NRXN1: variants seen among roughly 807,000 people sequenced by gnomAD.
The protein encoded by NRXN1 is neurexin-1.
A neutral mutation model predicts 150.9 loss-of-function variants in NRXN1; 39 were observed. That is an observed-to-expected ratio of 0.26 (90% CI 0.20 to 0.34). The LOEUF is 0.34. NRXN1 is among the 10% of genes least tolerant of loss of function. The pLI is 1.00. For missense variants in NRXN1, 1,815 were observed against 1,949.9 expected (o/e 0.93, Z 1.30); for synonymous variants, 924 against 757.0 (o/e 1.22, Z -3.62).
chr2:50,717,174 T>TAAAC (rs1457024889), intron 5 of NRXN1, among the ~76,000 whole-genome samples: 1 of 152,220 alleles, frequency 6.6e-6, no homozygotes, highest in African/African-American at 2.4e-5. Context: ...TGGCATGCAA[T>TAAAC]ACATATATGT....
intron 5 of NRXN1, among the ~76,000 whole-genome samples, chr2:50,813,241 T>C (rs991636806): frequency 2.6e-5 from 4 of 152,174 alleles, no homozygotes; most frequent in Non-Finnish European, 5.9e-5. Flanking sequence ...CTCATGTTTG[T>C]TAAATGATGC....
intron 17 of NRXN1, among the ~76,000 whole-genome samples, chr2:50,459,988 GA>G (rs1294707591): frequency 2.0e-5 from 3 of 151,662 alleles, no homozygotes. Context: ...CATTCGCATG[GA>G]AAAAAAACAT....
At chr2:50,306,505 A>C (rs187264846) in intron 17 of NRXN1, among the ~76,000 whole-genome samples, 1 of 152,334 alleles carries the variant, frequency 6.6e-6, no homozygotes, top group Admixed American at 6.5e-5. Context: ...AAAGATTATG[A>C]ATTTCACAGC....
rs1373125497 is a variant in NRXN1, at chr2:49,985,577, C to T, written c.4129-41786G>A. On this transcript the variant is annotated intron_variant, in intron 21 of 22. Coordinates refer to ENST00000401669, the MANE Select transcript of NRXN1 (RefSeq NM_001330078.2). ...TCAGATCAAGCAAAAACAATGAAGT[C>T]ATTAGTGTGCACTGAGTTTAGTCAC... 3.3e-5 allele frequency among the ~76,000 whole-genome samples: 5 copies of T among 152,190 alleles called. No homozygotes were observed. The South Asian group carries it at 8.3e-4, about 25-fold the overall frequency.
At position 50,146,820 on chromosome 2, in the gene NRXN1, C is replaced by T. The variant is rs184895954; in HGVS notation, c.3547-55326G>A. Among the ~76,000 whole-genome samples the T allele has an allele frequency of 7.1e-3, 1,084 of 151,612 alleles. 12 individuals carry two copies. Among genetic ancestry groups the T allele is most frequent in the Middle Eastern group, 0.017 (5 of 294 alleles). ...AAAATTCCTTTCTTTGTGTTTTTTA[C>T]CCATTGAAATTCTGTATCGTCATAC... is the stretch of plus-strand genomic sequence containing the variant. On this transcript the variant is annotated intron_variant, in intron 18 of 22. Coordinates refer to ENST00000401669, the MANE Select transcript of NRXN1 (RefSeq NM_001330078.2).
At chr2:50,403,307 G>T (rs1233270727) in intron 17 of NRXN1, among the ~76,000 whole-genome samples, 1 of 152,144 alleles carries the variant, frequency 6.6e-6, no homozygotes. Context: ...TCTCCATCCT[G>T]TTGCTAGTTG....
intron 15 of NRXN1, among the ~76,000 whole-genome samples, chr2:50,489,971 A>G (rs1295518476): frequency 6.6e-6 from 1 of 152,202 alleles, no homozygotes; most frequent in Non-Finnish European, 1.5e-5. Flanking sequence ...AAGGCTTTAC[A>G]GTACGGAGAA....
intron 15 of NRXN1, among the ~76,000 whole-genome samples, chr2:50,484,549 C>T (rs10221724): frequency 0.056 from 8,468 of 152,198 alleles, 823 homozygotes; most frequent in African/African-American, 0.19. Context: ...TTGCACCAGC[C>T]GATGACTGAT....
intron 19 of NRXN1, among the ~76,000 whole-genome samples, chr2:50,082,851 CT>C (rs5831078): frequency 0.32 from 48,396 of 152,002 alleles, 8,525 homozygotes; most frequent in African/African-American, 0.44. Context: ...AGAGGTTTGA[CT>C]TACATGTCTC....
intron 21 of NRXN1, among the ~76,000 whole-genome samples, chr2:50,005,399 T>C (rs1439514039): frequency 6.6e-6 from 1 of 152,186 alleles, no homozygotes; most frequent in African/African-American, 2.4e-5. Flanking sequence ...GCTCCAATTC[T>C]AAAATGGCTT....
At chr2:50,681,374 TAAAC>T (rs1690379424) in intron 5 of NRXN1, among the ~76,000 whole-genome samples, 2 of 152,306 alleles carry the variant, frequency 1.3e-5, no homozygotes, top group East Asian at 1.9e-4. Flanking sequence ...AATCTTCAAA[TAAAC>T]AAAATAATTT....
At chr2:50,374,397 G>A (rs2080335846) in intron 17 of NRXN1, among the ~76,000 whole-genome samples, 2 of 151,910 alleles carry the variant, frequency 1.3e-5, no homozygotes, top group Non-Finnish European at 2.9e-5. Context: ...TTACTTGTGT[G>A]TGACTGATAA....
chr2:50,788,078 T>C (rs1333399787), intron 5 of NRXN1, among the ~76,000 whole-genome samples: 10 of 151,930 alleles, frequency 6.6e-5, no homozygotes, highest in African/African-American at 2.4e-4. Flanking sequence ...TTGCCTGCTT[T>C]ATTATCTTCC....
At chr2:50,140,633 A>T (rs1473978412) in intron 18 of NRXN1, among the ~76,000 whole-genome samples, 1 of 151,712 alleles carries the variant, frequency 6.6e-6, no homozygotes, top group Non-Finnish European at 1.5e-5. Context: ...AGAAATGTAG[A>T]CCACTTTGTT....
intron 8 of NRXN1, among the ~76,000 whole-genome samples, chr2:50,618,783 T>A (rs1026165333): frequency 1.3e-5 from 2 of 149,354 alleles, no homozygotes; most frequent in Non-Finnish European, 3.0e-5. Flanking sequence ...TAATAATAAA[T>A]AATAATAATA....
intron 9 of NRXN1, among the ~76,000 whole-genome samples, chr2:50,541,307 G>A (rs2093383739): frequency 6.6e-6 from 1 of 152,046 alleles, no homozygotes; most frequent in Non-Finnish European, 1.5e-5. Flanking sequence ...AGGACTCCTG[G>A]AGGACTCCTG....
chr2:50,281,027 G>A (rs934218822), intron 17 of NRXN1, among the ~76,000 whole-genome samples: 4 of 151,590 alleles, frequency 2.6e-5, no homozygotes, highest in African/African-American at 4.8e-5. Flanking sequence ...ATAATAGGCC[G>A]GGCGCGGTGG....
intron 12 of NRXN1, among the ~76,000 whole-genome samples, chr2:50,507,153 C>A (rs183526617): frequency 6.6e-6 from 1 of 152,106 alleles, no homozygotes; most frequent in African/African-American, 2.4e-5. Context: ...TGTGTGATGG[C>A]GGCTATTCCG....
intron 17 of NRXN1, among the ~76,000 whole-genome samples, chr2:50,279,838 AG>A (rs1439886161): frequency 6.6e-6 from 1 of 152,216 alleles, no homozygotes; most frequent in Non-Finnish European, 1.5e-5. Flanking sequence ...AAGTAAATAT[AG>A]GCTTGAAAAT....
Sources: gnomAD v4.1 joint callset for allele counts (sites outside exome capture counted in the v4.1 genomes callset) on GRCh38, gnomAD v4.1.1 for gene constraint, MANE v1.5 for transcripts, NCBI Gene and HGNC (gene_info 2026-07-23, HGNC 2026-07-21) for gene names.